IL4I1: variants seen among roughly 807,000 people sequenced by gnomAD.
The protein encoded by IL4I1 is interleukin 4 induced 1.
In IL4I1, 24 loss-of-function variants were observed where a neutral mutation model predicts 29.7. The observed-to-expected ratio is 0.81, with a 90% CI of 0.59 to 1.14. The LOEUF (loss-of-function observed/expected upper bound fraction) is 1.14. IL4I1 is among the 50% of genes most tolerant of loss of function. The pLI is 0.00. For synonymous variants in IL4I1, 371 were observed against 352.5 expected (o/e 1.05, Z -0.59); for missense variants, 686 against 785.6 (o/e 0.87, Z 1.52).
chr19:49,912,203 T>C (rs893761592), intron 2 of IL4I1, among the ~76,000 whole-genome samples: 4 of 138,860 alleles, frequency 2.9e-5, no homozygotes, highest in African/African-American at 1.1e-4. Flanking sequence ...GGAGTCTCGC[T>C]CTGTTGCCCA....
At chr19:49,922,856 GC>G in intron 2 of IL4I1, among the ~76,000 whole-genome samples, 1 of 152,210 alleles carries the variant, frequency 6.6e-6, no homozygotes, top group African/African-American at 2.4e-5. Context: ...CTGACACAGG[GC>G]CCAAGGTGGT....
chr19:49,912,617 A>C (rs2075500544), intron 2 of IL4I1, among the ~76,000 whole-genome samples: 1 of 152,070 alleles, frequency 6.6e-6, no homozygotes, highest in Non-Finnish European at 1.5e-5. Flanking sequence ...TAATCCCAGC[A>C]CTTTGGGAGG....
Position 49,889,781 on chromosome 19 carries a change from A to G in IL4I1, c.1593T>C (p.His531=). The G allele has an allele frequency of 6.5e-7, 1 of 1,533,770 alleles. No homozygotes were observed. Among genetic ancestry groups the G allele is most frequent in the Non-Finnish European group, 8.8e-7 (1 of 1,140,426 alleles). ...ASDMEGQGHV[H]GVASSPSHDL... Reference sequence around the variant, plus strand: ...CATGCGAGGGGCTGCTGGCCACCCCATGCACATGCCCCTGCCCCTCCATGT... The same window carrying G: ...CATGCGAGGGGCTGCTGGCCACCCCGTGCACATGCCCCTGCCCCTCCATGT... Residue 531 remains histidine, a synonymous_variant, in exon 8 of 8, where the codon CAT becomes CAC. Transcript: ENST00000391826.
In IL4I1 at chr19:49,892,446, A is replaced by C. The variant is rs184755341; in HGVS notation, c.568-973T>G. Among the ~76,000 whole-genome samples, 152 of 152,156 alleles carry C rather than the reference A, an allele frequency of 1.0e-3. 1 individual carries two copies. Among genetic ancestry groups the C allele is most frequent in the Admixed American group, 8.1e-3 (124 of 15,288 alleles). ...CTCTCTTTGCCCTGAATCTCAGCAG[A>C]ACCAAGATCCCCACTTACCTCAGTC... On this transcript the variant is annotated intron_variant, in intron 5 of 7. Transcript: ENST00000391826.
chr19:49,894,446 C>T lies in IL4I1; in HGVS notation c.389G>A (p.Gly130Asp), dbSNP rs1316172989. ...GAACTTGGTCAGGTTGAGCCCCAGG[C>T]CCTGGCAGAGCTTGTGGAGGATCCT... ...SHRILHKLCQ[G>D]LGLNLTKFTQ... is the part of the protein sequence containing the mutation. Residue 130 changes from glycine (G) to aspartate (D), a missense_variant, in exon 5 of 8, where the codon GGC (glycine) becomes GAC (aspartate). Gly to Asp is a moderately conservative substitution (Grantham distance 94). Coordinates refer to ENST00000391826, the MANE Select transcript of IL4I1 (RefSeq NM_152899.2). 6.2e-6 allele frequency: 10 copies of T among 1,614,014 alleles called. No individual in the cohort carries two copies. The African/African-American group carries it at 1.3e-4, about 22-fold the overall frequency.
intron 2 of IL4I1, among the ~76,000 whole-genome samples, chr19:49,914,111 G>A (rs573020294): frequency 6.6e-6 from 1 of 152,152 alleles, no homozygotes; most frequent in African/African-American, 2.4e-5. Context: ...TACTTTCGGA[G>A]GCCAAGGCAG....
chr19:49,911,334 G>C (rs1054585290), intron 2 of IL4I1: 1 of 152,312 alleles, frequency 6.6e-6, no homozygotes, highest in African/African-American at 2.4e-5. Flanking sequence ...GGCAGAAGCA[G>C]CTCTAAAAGC....
At chr19:49,918,178 T>C (rs1038563289) in intron 2 of IL4I1, among the ~76,000 whole-genome samples, 1 of 151,906 alleles carries the variant, frequency 6.6e-6, no homozygotes, top group African/African-American at 2.4e-5. Context: ...ATGATTCTCC[T>C]GCCCTAGCCT....
chr19:49,908,971 G>C, intron 2 of IL4I1: 1 of 1,608,388 alleles, frequency 6.2e-7, no homozygotes, highest in South Asian at 1.1e-5. Context: ...TGGTGGTGGT[G>C]GCGGTGGCGG....
rs376853004 is a variant in IL4I1 at position 49,889,886 on chromosome 19, C to G, written c.1488G>C (p.Ser496=). ...PHGWVETAVK[S]ALRAAIKINS... ...TGATCTTGATGGCGGCGCGCAGCGC[C>G]GACTTGACCGCCGTCTCCACCCAGC... Residue 496 remains serine (S), a synonymous_variant, in exon 8 of 8, where the codon TCG becomes TCC. Coordinates refer to ENST00000391826, the MANE Select transcript of IL4I1 (RefSeq NM_152899.2). The G allele has an allele frequency of 3.1e-6, 5 of 1,605,772 alleles. No individual in the cohort carries two copies. In the African/African-American group the frequency reaches 5.4e-5, roughly 17 times the overall value.
chr19:49,914,732 T>G (rs1188847854), intron 2 of IL4I1, among the ~76,000 whole-genome samples: 4,766 of 97,702 alleles, frequency 0.049, 334 homozygotes, highest in African/African-American at 0.13. Flanking sequence ...CCCAGTTTTT[T>G]TTTTTTTTTT....
chr19:49,897,800 A>AG (rs2075230830), upstream of IL4I1, among the ~76,000 whole-genome samples: 1 of 146,784 alleles, frequency 6.8e-6, no homozygotes, highest in African/African-American at 2.6e-5. Context: ...GGAAAACCAG[A>AG]GGGAGGCAGA....
chr19:49,903,730 A>G (rs2075290490), intron 3 of IL4I1, among the ~76,000 whole-genome samples: 2 of 151,868 alleles, frequency 1.3e-5, no homozygotes, highest in South Asian at 4.1e-4. Context: ...ACTCATTACT[A>G]AAAAATAAAT....
upstream of IL4I1, among the ~76,000 whole-genome samples, chr19:49,898,201 G>A (rs138943316): frequency 3.7e-3 from 560 of 152,132 alleles, 1 homozygote; most frequent in African/African-American, 0.013. Flanking sequence ...TACGCCTGTA[G>A]TCCCAACTAC....
intron 2 of IL4I1, among the ~76,000 whole-genome samples, chr19:49,906,315 C>T (rs2075323221): frequency 1.3e-5 from 2 of 152,080 alleles, no homozygotes; most frequent in South Asian, 2.1e-4. Flanking sequence ...CTTAAATGAT[C>T]CTTCCATCTC....
intron 2 of IL4I1, chr19:49,907,008 G>A (rs2075335446): frequency 6.5e-6 from 1 of 153,662 alleles, no homozygotes; most frequent in Admixed American, 6.4e-5. Context: ...TAAGTTCCGA[G>A]CCAAGTCTAC....
At chr19:49,906,131 A>G (rs1019384110) in intron 2 of IL4I1, among the ~76,000 whole-genome samples, 7 of 152,130 alleles carry the variant, frequency 4.6e-5, no homozygotes, top group Non-Finnish European at 8.8e-5. Context: ...CTTTAGCCCC[A>G]GGTGACAGGA....
In IL4I1 at chr19:49,921,338, CT is replaced by C. The variant is rs1419491080; in HGVS notation, c.-228+6355del. The stretch of plus-strand genomic sequence containing the variant: ...GCACCGAGCCTCTCCAAAACATGGT[CT>C]TTTTTTGCTCCCCACTGCCACCACC... On this transcript the variant is annotated intron_variant, in intron 2 of 9. Transcript: ENST00000341114. The surrounding 1 kb of genome is among the most constrained non-coding windows in gnomAD (Gnocchi z 5.4). 6.6e-6 allele frequency among the ~76,000 whole-genome samples: 1 copy of C among 152,054 alleles called. No homozygotes were observed. Among genetic ancestry groups the C allele is most frequent in the Non-Finnish European group, 1.5e-5 (1 of 67,988 alleles).
At chr19:49,890,694 T>A (rs1464085473) in intron 7 of IL4I1, 94 bp from the exon 8 acceptor site, 2 of 1,151,800 alleles carry the variant, frequency 1.7e-6, no homozygotes, top group Non-Finnish European at 2.4e-6. Flanking sequence ...CTGGCCCTTA[T>A]GGGCACCGGC....
Sources: allele counts gnomAD v4.1 joint callset (sites outside exome capture counted in the v4.1 genomes callset), GRCh38; gene constraint gnomAD v4.1.1; non-coding constraint Gnocchi (gnomAD v3.1); transcripts MANE v1.5; gene names NCBI Gene and HGNC (gene_info 2026-07-23, HGNC 2026-07-21).